The following C2CD4D variants were observed in gnomAD, a reference collection of about 807,000 sequenced individuals.
The protein encoded by C2CD4D is C2 calcium dependent domain containing 4D.
C2CD4D carries 1 observed loss-of-function variant against 0.2 expected under a neutral mutation model. The observed-to-expected ratio is 4.00, with a 90% CI of 1.42 to 18.99. The LOEUF (loss-of-function observed/expected upper bound fraction) is 18.99, where lower values mean the gene tolerates loss of function less well. C2CD4D is among the 30% of genes most tolerant of loss of function. The probability of loss-of-function intolerance (pLI) is 0.11; values close to 1 mark genes in which losing one functional copy is unlikely to be tolerated. For synonymous variants in C2CD4D, 269 were observed against 279.8 expected, an observed-to-expected ratio of 0.96 and a Z score of 0.39; for missense variants, 552 against 551.2, an observed-to-expected ratio of 1.00 and a Z score of -0.01.
At chr1:151,838,905 G>C in exon 2 of C2CD4D, 1 of 1,547,780 alleles carries the variant, frequency 6.5e-7, no homozygotes, top group Non-Finnish European at 8.7e-7. Flanking sequence ...GGGGCGCGAC[G>C]CTTGGAGAAC....
chr1:151,838,385 C>T, exon 2 of C2CD4D: 4 of 1,438,518 alleles, frequency 2.8e-6, no homozygotes, highest in Non-Finnish European at 3.6e-6. Context: ...CCGCAGCTGG[C>T]AGCACAGGAA....
chr1:151,839,052 A>G (rs1387029485), exon 2 of C2CD4D: 6 of 1,520,524 alleles, frequency 3.9e-6, no homozygotes, highest in Non-Finnish European at 5.3e-6. Flanking sequence ...ATCCCGTCTC[A>G]GATGGGAGTG....
At chr1:151,839,132 G>A (rs191806291) in exon 2 of C2CD4D, 9 of 933,882 alleles carry the variant, frequency 9.6e-6, no homozygotes, top group Admixed American at 3.6e-5. Flanking sequence ...TACACCGGGC[G>A]GTCAGCCACC....
exon 2 of C2CD4D, chr1:151,838,356 G>A (rs1414686629): frequency 2.8e-6 from 4 of 1,428,646 alleles, no homozygotes; most frequent in African/African-American, 3.0e-5. Context: ...CCCAGGCGCA[G>A]CACGCTCTCG....
At chr1:151,840,350 G>A (rs1652752703) in exon 1 of C2CD4D, 1 of 152,408 alleles carries the variant, frequency 6.6e-6, no homozygotes, top group African/African-American at 2.4e-5. Context: ...GGTGGGGGAG[G>A]GCTACAGAGA....
exon 2 of C2CD4D, chr1:151,839,048 T>C (rs1652692361): frequency 2.0e-6 from 3 of 1,528,356 alleles, no homozygotes; most frequent in Non-Finnish European, 2.7e-6. Context: ...CCAAATCCCG[T>C]CTCAGATGGG....
At chr1:151,838,345 C>T (rs770667928) in exon 2 of C2CD4D, 1 of 1,419,862 alleles carries the variant, frequency 7.0e-7, no homozygotes, top group South Asian at 1.5e-5. Flanking sequence ...CGCCGCGGGG[C>T]CCCAGGCGCA....
chr1:151,838,770 G>A, exon 2 of C2CD4D: 2 of 1,343,752 alleles, frequency 1.5e-6, no homozygotes, highest in Non-Finnish European at 1.9e-6. Context: ...GGGAGGCCGC[G>A]CCCCGCCACG....
exon 2 of C2CD4D, chr1:151,837,898 G>C: frequency 3.4e-6 from 5 of 1,484,556 alleles, no homozygotes; most frequent in Admixed American, 4.8e-5. Context: ...AGACACAGTG[G>C]AGACGTCCTG....
At position 151,838,800 on chromosome 1, in the gene C2CD4D, C is replaced by G. The variant is rs1333697348; in HGVS notation, c.190G>C (p.Val64Leu). Residue 64 changes from valine to leucine, a missense_variant, in exon 2 of 2, where the codon GTG becomes CTG. Transcript: ENST00000454109. ...GCCACGTGCCGCCGGGCCGCGGGCA[C>G]TGCGCCGCCCGGGTCCGGGAGCCGA... 3.1e-5 allele frequency: 43 copies of G among 1,380,364 alleles called. 1 individual carries two copies. In the South Asian group the frequency reaches 7.1e-4, roughly 23 times the overall value. 85.5% of individuals were successfully genotyped at this position (1,380,364 alleles called of 1,614,324 possible). A position where few individuals can be genotyped will look rare whatever the true frequency, so the allele number is the denominator to read the frequency against.
In C2CD4D at chr1:151,838,019, TC is replaced by T; in HGVS notation, c.970del (p.Glu324SerfsTer17). The T allele has an allele frequency of 6.4e-7, 1 of 1,551,118 alleles. No individual in the cohort carries two copies. The highest frequency in any genetic ancestry group is 8.7e-7 in the Non-Finnish European group (1 of 1,146,820). ...CAGCGCAATGAGGGGCGTCTCGCAC[TC>T]CCCCAGCAGCACATCCCTGCGAAGT... On this transcript the variant is annotated frameshift_variant, in exon 2 of 2. Transcript: ENST00000454109. LOFTEE classifies it low-confidence loss of function (END_TRUNC).
At position 151,838,419 on chromosome 1, in the gene C2CD4D, T is replaced by TGGGCGGCCCGGCGCGGCGC; in HGVS notation, c.552_570dup (p.Thr191AlafsTer172). ...AAGTCCAGGTGGAAGAGCGGCGGCGTGGGCGGCCCGGCGCGGCGCGGCGAG... is the reference window on the plus strand; with the variant it reads ...AAGTCCAGGTGGAAGAGCGGCGGCGTGGGCGGCCCGGCGCGGCGCGGGCGGCCCGGCGCGGCGCGGCGAG... On this transcript the variant is annotated frameshift_variant, in exon 2 of 2. Transcript: ENST00000454109. LOFTEE classifies it low-confidence loss of function (END_TRUNC). The TGGGCGGCCCGGCGCGGCGC allele has an allele frequency of 8.4e-6, 12 of 1,429,004 alleles. No individual in the cohort carries two copies. Among genetic ancestry groups the TGGGCGGCCCGGCGCGGCGC allele is most frequent in the Non-Finnish European group, 1.1e-5 (12 of 1,094,066 alleles). 88.5% of individuals were successfully genotyped at this position (1,429,004 alleles called of 1,614,324 possible).
At chr1:151,837,862 G>T (rs971015601) in exon 2 of C2CD4D, 1 of 1,437,206 alleles carries the variant, frequency 7.0e-7, no homozygotes, top group Non-Finnish European at 9.2e-7. Flanking sequence ...ATACAAGCCG[G>T]GCAGGGTGGA....
At chr1:151,838,759 G>C in exon 2 of C2CD4D, 2 of 1,342,502 alleles carry the variant, frequency 1.5e-6, no homozygotes, top group South Asian at 2.0e-5. Flanking sequence ...AGCAGGTCGC[G>C]GGGAGGCCGC....
chr1:151,838,680 C>A lies in C2CD4D; in HGVS notation c.310G>T (p.Glu104Ter). The A allele has an allele frequency of 7.3e-7, 1 of 1,373,110 alleles. No individual in the cohort carries two copies. Among genetic ancestry groups the A allele is most frequent in the Non-Finnish European group, 9.4e-7 (1 of 1,064,594 alleles). The allele number at this position is 1,373,110 out of a possible 1,614,324, so 85.1% of individuals were successfully genotyped here. ...GGTGGCGGCCCGTGGAACAGGGATT[C>A]CCGCCGGCGCGTGTGCGGGCTCTCG... The change falls in exon 2 of 2, where the codon GAA becomes TAA. Residue 104 changes from glutamate (E) to a stop codon, truncating the protein, a stop_gained. Coordinates refer to ENST00000454109, the Ensembl canonical transcript of C2CD4D. LOFTEE classifies it low-confidence loss of function (END_TRUNC).
At chr1:151,838,171 C>T in exon 2 of C2CD4D, 1 of 1,550,610 alleles carries the variant, frequency 6.4e-7, no homozygotes, top group South Asian at 1.2e-5. Flanking sequence ...CGCGGCTCTG[C>T]TGCTCCCGCG....
chr1:151,838,102 G>T (rs541112100), exon 2 of C2CD4D: 10 of 1,551,418 alleles, frequency 6.4e-6, no homozygotes, highest in Admixed American at 2.0e-5. Flanking sequence ...GGTCCGGGGG[G>T]CCGAGCCCGT....
rs1481728791 is a variant in C2CD4D, at chr1:151,837,880, T to C, written c.*48A>G. ...CAAGCCGGGCAGGGTGGAAAGAATG[T>C]GGACTGCAGACACAGTGGAGACGTC... On this transcript the variant is annotated 3_prime_UTR_variant, in exon 2 of 2. Coordinates refer to ENST00000454109, the Ensembl canonical transcript of C2CD4D. The C allele has an allele frequency of 2.8e-6, 4 of 1,449,534 alleles. No individual in the cohort carries two copies. The African/African-American group carries it at 5.7e-5, about 21-fold the overall frequency. 89.8% of individuals were successfully genotyped at this position (1,449,534 alleles called of 1,614,324 possible). A position where few individuals can be genotyped will look rare whatever the true frequency, so the allele number is the denominator to read the frequency against.
At chr1:151,838,555 C>T (rs1250895134) in exon 2 of C2CD4D, 1 of 1,319,220 alleles carries the variant, frequency 7.6e-7, no homozygotes, top group Non-Finnish European at 9.6e-7. Context: ...ACGAGTCCGG[C>T]GACGAGGCCG....
Sources: allele counts gnomAD v4.1 joint callset, GRCh38; gene constraint gnomAD v4.1.1; transcripts MANE v1.5; gene names NCBI Gene and HGNC (gene_info 2026-07-23, HGNC 2026-07-21).